The following RASGEF1A variants were observed in gnomAD, a reference collection of about 807,000 sequenced individuals.
The protein encoded by RASGEF1A is RasGEF domain family member 1A.
Under a neutral mutation model 56.4 loss-of-function variants are expected in RASGEF1A, and 18 were observed. The ratio of observed to expected loss-of-function variants is 0.32; its 90% CI spans 0.22 to 0.47. The LOEUF (loss-of-function observed/expected upper bound fraction) is 0.47, where lower values mean the gene tolerates loss of function less well. Among genes scored for constraint, RASGEF1A ranks in the 20% least tolerant of loss-of-function variants. The probability of loss-of-function intolerance (pLI) is 1.00; values close to 1 mark genes in which losing one functional copy is unlikely to be tolerated. For synonymous variants in RASGEF1A, 245 were observed against 242.6 expected (o/e 1.01, Z -0.09); for missense variants, 422 against 627.1 (o/e 0.67, Z 3.49).
At chr10:43,206,222 G>T in intron 1 of RASGEF1A, 100 bp from the exon 2 acceptor site, 1 of 1,027,100 alleles carries the variant, frequency 9.7e-7, no homozygotes. Context: ...TGTGTGCAGG[G>T]GTGCGTGGCA....
At chr10:43,256,463 AG>A (rs1836407528) in intron 1 of RASGEF1A, among the ~76,000 whole-genome samples, 1 of 151,932 alleles carries the variant, frequency 6.6e-6, no homozygotes, top group African/African-American at 2.4e-5. Flanking sequence ...TTGGGGGTGG[AG>A]GGGGTGGTGA....
rs1839789766 is a variant in RASGEF1A, at chr10:43,195,951, A to C, written c.*293T>G. ...ATAAGATGTTAATAATCAAAAGTAG[A>C]AAATAAAAATCTACATTTCATTAGA... is the stretch of plus-strand genomic sequence containing the variant. On this transcript the variant is annotated 3_prime_UTR_variant, in exon 13 of 13. Transcript: ENST00000395810. This position sits in a 1 kb window ranked among gnomAD's most constrained non-coding sequence, Gnocchi z 4.2. The C allele has an allele frequency of 8.1e-6, 2 of 246,650 alleles. No individual in the cohort carries two copies. Among genetic ancestry groups the C allele is most frequent in the Non-Finnish European group, 1.5e-5 (2 of 130,916 alleles). 15.3% of individuals were successfully genotyped at this position (246,650 alleles called of 1,614,324 possible).
chr10:43,197,882 G>T, intron 10 of RASGEF1A, 122 bp downstream of exon 10: 1 of 796,360 alleles, frequency 1.3e-6, no homozygotes. Flanking sequence ...AGTCTTGAAG[G>T]CCCTTGTGAA....
At chr10:43,258,483 G>A (rs1044414791) in intron 1 of RASGEF1A, among the ~76,000 whole-genome samples, 3 of 152,222 alleles carry the variant, frequency 2.0e-5, no homozygotes, top group Non-Finnish European at 4.4e-5. Flanking sequence ...AGGGCCATCT[G>A]CCACTCTGCG....
At position 43,196,669 on chromosome 10, in the gene RASGEF1A, C is replaced by T. The variant is rs1588923701; in HGVS notation, c.1349-121G>A. On this transcript the variant is annotated intron_variant, in intron 11 of 12. Coordinates refer to ENST00000395810, the MANE Select transcript of RASGEF1A (RefSeq NM_145313.4). The surrounding 1 kb of genome is among the most constrained non-coding windows in gnomAD (Gnocchi z 4.6). ...CAGTGACCTCTGGCTGGGCTGAACACAGTTCTCTGCTGTGCGGGGCTCTCA... is the reference window on the plus strand; with the variant it reads ...CAGTGACCTCTGGCTGGGCTGAACATAGTTCTCTGCTGTGCGGGGCTCTCA... The T allele has an allele frequency of 5.2e-6, 5 of 963,734 alleles. No individual in the cohort carries two copies. The East Asian group carries it at 1.2e-4, about 24-fold the overall frequency. The allele number at this position is 963,734 out of a possible 1,614,324, so 59.7% of individuals were successfully genotyped here. A position where few individuals can be genotyped will look rare whatever the true frequency, so the allele number is the denominator to read the frequency against.
At chr10:43,216,006 C>T (rs574516661) in intron 1 of RASGEF1A, among the ~76,000 whole-genome samples, 2 of 152,308 alleles carry the variant, frequency 1.3e-5, no homozygotes, top group South Asian at 4.1e-4. Context: ...GCTTTTGGCC[C>T]ATTAGATCTC....
intron 1 of RASGEF1A, among the ~76,000 whole-genome samples, chr10:43,212,416 C>T (rs1037806596): frequency 3.3e-5 from 5 of 152,206 alleles, no homozygotes; most frequent in Non-Finnish European, 5.9e-5. Flanking sequence ...TTCTCAACCC[C>T]CTCTGACTCT....
chr10:43,237,575 G>A (rs1310688306), intron 1 of RASGEF1A, among the ~76,000 whole-genome samples: 1 of 151,846 alleles, frequency 6.6e-6, no homozygotes, highest in Non-Finnish European at 1.5e-5. Context: ...TACATTTCTA[G>A]AAAGAGCAGC....
chr10:43,244,943 CAGAAG>C lies in RASGEF1A; in HGVS notation c.-7+21897_-7+21901del, dbSNP rs1430947572. Among the ~76,000 whole-genome samples, 44 of 151,536 alleles carry C rather than the reference CAGAAG, an allele frequency of 2.9e-4. 1 individual carries two copies. Among genetic ancestry groups the C allele is most frequent in the African/African-American group, 1.1e-3 (44 of 41,266 alleles). On this transcript the variant is annotated intron_variant, in intron 1 of 12. Transcript: ENST00000395810. ...AGAAGCAAATTAAATTAACAAATAA[CAGAAG>C]AAGAAAATACTAGAGTGAAAGTAAA...
At chr10:43,198,902 C>G in intron 9 of RASGEF1A, 31 bp downstream of exon 9, 1 of 1,580,600 alleles carries the variant, frequency 6.3e-7, no homozygotes. Flanking sequence ...ATGGGTGCAG[C>G]TCGCAGCTGT....
intron 1 of RASGEF1A, among the ~76,000 whole-genome samples, chr10:43,215,577 G>A (rs541721849): frequency 6.6e-6 from 1 of 152,322 alleles, no homozygotes; most frequent in African/African-American, 2.4e-5. Context: ...GCCCTTCAAG[G>A]GATAACCGGC....
chr10:43,256,189 G>A (rs2133228416), intron 1 of RASGEF1A, among the ~76,000 whole-genome samples: 1 of 152,288 alleles, frequency 6.6e-6, no homozygotes, highest in Admixed American at 6.5e-5. Flanking sequence ...CAGGTGGAGT[G>A]AGGATGCTGA....
intron 1 of RASGEF1A, among the ~76,000 whole-genome samples, chr10:43,250,720 C>G (rs1840619021): frequency 1.3e-5 from 2 of 152,214 alleles, no homozygotes; most frequent in Non-Finnish European, 1.5e-5. Context: ...TGCCCCTCAC[C>G]TAGCCCCAAG....
intron 1 of RASGEF1A, among the ~76,000 whole-genome samples, chr10:43,248,623 T>C (rs1334385913): frequency 6.6e-6 from 1 of 152,190 alleles, no homozygotes; most frequent in Non-Finnish European, 1.5e-5. Flanking sequence ...ATTTTGTTCA[T>C]TATGAATGAC....
At chr10:43,210,459 G>A (rs1384512139) in intron 1 of RASGEF1A, among the ~76,000 whole-genome samples, 1 of 152,218 alleles carries the variant, frequency 6.6e-6, no homozygotes, top group Non-Finnish European at 1.5e-5. Flanking sequence ...GGGCAATGGA[G>A]CCAGACCCTG....
At chr10:43,237,461 C>A (rs1255937557) in intron 1 of RASGEF1A, among the ~76,000 whole-genome samples, 1 of 144,896 alleles carries the variant, frequency 6.9e-6, no homozygotes, top group Non-Finnish European at 1.5e-5. Context: ...CCCTCCCCCC[C>A]ACCTCCATTT....
In RASGEF1A at chr10:43,199,751, G is replaced by A; in HGVS notation, c.774C>T (p.Thr258=). The change falls in exon 7 of 13, where the codon ACC becomes ACT. Residue 258 remains threonine (T), a synonymous_variant. Transcript: ENST00000395810. The part of the protein sequence containing the change: ...LDNHRCRGDL[T]KTYSLEAYDN... Reference sequence around the variant, plus strand: ...CATAGGCCTCCAGGCTGTAGGTCTTGGTCAGGTCCCCTCGGCACTGGAAAG... The same window carrying A: ...CATAGGCCTCCAGGCTGTAGGTCTTAGTCAGGTCCCCTCGGCACTGGAAAG... 6.2e-7 allele frequency: 1 copy of A among 1,613,642 alleles called. No individual in the cohort carries two copies. Among genetic ancestry groups the A allele is most frequent in the South Asian group, 1.1e-5 (1 of 91,082 alleles).
chr10:43,199,218 G>A (rs767396109), intron 7 of RASGEF1A, 24 bp from the exon 8 acceptor site: 17 of 1,561,782 alleles, frequency 1.1e-5, no homozygotes, highest in South Asian at 6.8e-5. Context: ...GGTGACCTCA[G>A]CATGGCGCTG....
At chr10:43,259,689 G>A (rs915653262) in intron 1 of RASGEF1A, among the ~76,000 whole-genome samples, 2 of 152,304 alleles carry the variant, frequency 1.3e-5, no homozygotes, top group East Asian at 3.9e-4. Flanking sequence ...GAGATGAGAG[G>A]GCACAGAACA....
Sources: gnomAD v4.1 joint callset for allele counts (sites outside exome capture counted in the v4.1 genomes callset) on GRCh38, gnomAD v4.1.1 for gene constraint, Gnocchi (gnomAD v3.1) non-coding constraint, MANE v1.5 for transcripts, NCBI Gene and HGNC (gene_info 2026-07-23, HGNC 2026-07-21) for gene names.